AFG2A: variants seen among roughly 807,000 people sequenced by gnomAD.
AFG2A encodes ATPase family gene 2 protein homolog A.
chr4:122,925,730 C>G, the AFG2A span, among the ~76,000 whole-genome samples: 2 of 152,106 alleles, frequency 1.3e-5, no homozygotes, highest in African/African-American at 4.8e-5. Flanking sequence ...GTCATTTTTT[C>G]ATTGTATTAA....
At chr4:122,934,407 A>G in the AFG2A span, 1 of 1,614,248 alleles carries the variant, frequency 6.2e-7, no homozygotes, top group Admixed American at 1.7e-5. Flanking sequence ...TGGATGTTAC[A>G]CAGAGCCCTG....
the AFG2A span, among the ~76,000 whole-genome samples, chr4:123,258,267 G>A: frequency 0.019 from 2,852 of 152,222 alleles, 41 homozygotes; most frequent in Middle Eastern, 0.037. Flanking sequence ...TTTTGTTTTG[G>A]TCTGAATAGG....
the AFG2A span, among the ~76,000 whole-genome samples, chr4:122,993,029 A>C: frequency 6.7e-6 from 1 of 149,062 alleles, no homozygotes; most frequent in Non-Finnish European, 1.5e-5. Context: ...TCTGTCGCCT[A>C]TGCTGGAGTG....
At chr4:123,102,306 A>G in the AFG2A span, 4 of 151,166 alleles carry the variant, frequency 2.6e-5, no homozygotes, top group East Asian at 3.9e-4. Context: ...AAAAAAAAAA[A>G]AAAAAAGAAA....
the AFG2A span, among the ~76,000 whole-genome samples, chr4:122,933,882 A>G: frequency 1.3e-5 from 2 of 152,188 alleles, no homozygotes; most frequent in African/African-American, 4.8e-5. Flanking sequence ...TCTGAGATCT[A>G]CTGAGTGTGG....
the AFG2A span, among the ~76,000 whole-genome samples, chr4:123,194,266 T>A: frequency 6.6e-6 from 1 of 152,226 alleles, no homozygotes; most frequent in South Asian, 2.1e-4. Flanking sequence ...GGAAGAAGAA[T>A]GGTCTTGGGC....
the AFG2A span, among the ~76,000 whole-genome samples, chr4:123,015,795 C>T: frequency 7.8e-5 from 11 of 140,282 alleles, no homozygotes; most frequent in African/African-American, 1.8e-4. Flanking sequence ...CCGGACCGGG[C>T]GGCTCGGGTG....
At chr4:122,989,956 A>T in the AFG2A span, among the ~76,000 whole-genome samples, 1 of 152,144 alleles carries the variant, frequency 6.6e-6, no homozygotes, top group South Asian at 2.1e-4. Context: ...TCCTGAGTTT[A>T]GTTGATCCTC....
the AFG2A span, among the ~76,000 whole-genome samples, chr4:122,960,030 G>A: frequency 2.6e-5 from 4 of 152,238 alleles, no homozygotes; most frequent in East Asian, 7.7e-4. Flanking sequence ...TAATTTTTTA[G>A]CTAGAGTGTG....
chr4:123,224,790 A>T, the AFG2A span, among the ~76,000 whole-genome samples: 27 of 152,140 alleles, frequency 1.8e-4, no homozygotes, highest in African/African-American at 6.5e-4. Flanking sequence ...CACCACACTG[A>T]CTTCCACAAT....
chr4:123,306,579 G>A, the AFG2A span, among the ~76,000 whole-genome samples: 1 of 150,572 alleles, frequency 6.6e-6, no homozygotes, highest in Non-Finnish European at 1.5e-5. Flanking sequence ...TTCTGAGATG[G>A]GGCTTCACTC....
the AFG2A span, among the ~76,000 whole-genome samples, chr4:123,048,782 T>C: frequency 1.3e-5 from 2 of 152,186 alleles, no homozygotes; most frequent in Non-Finnish European, 2.9e-5. Flanking sequence ...CTTTAGGTTT[T>C]TCTACATATG....
chr4:123,101,250 G>C, the AFG2A span, among the ~76,000 whole-genome samples: 1 of 151,848 alleles, frequency 6.6e-6, no homozygotes, highest in African/African-American at 2.4e-5. Flanking sequence ...TTACCAAAGA[G>C]AACTCCTAAA....
the AFG2A span, among the ~76,000 whole-genome samples, chr4:123,309,783 T>G: frequency 1.3e-5 from 2 of 152,222 alleles, no homozygotes; most frequent in Non-Finnish European, 2.9e-5. Flanking sequence ...GTAAGTAGAA[T>G]GCAGATATTC....
the AFG2A span, among the ~76,000 whole-genome samples, chr4:123,168,478 C>T: frequency 6.6e-6 from 1 of 152,050 alleles, no homozygotes; most frequent in Non-Finnish European, 1.5e-5. Flanking sequence ...AACCAAGAAA[C>T]ATGCCATTTC....
chr4:123,104,178 T>G, the AFG2A span, among the ~76,000 whole-genome samples: 1 of 152,320 alleles, frequency 6.6e-6, no homozygotes, highest in African/African-American at 2.4e-5. Flanking sequence ...TATTCTCACT[T>G]CACATTTTGG....
the AFG2A span, among the ~76,000 whole-genome samples, chr4:122,954,725 C>G: frequency 6.6e-6 from 1 of 152,214 alleles, no homozygotes; most frequent in Non-Finnish European, 1.5e-5. Context: ...AACCCCTGGC[C>G]TGTGCTGGGA....
the AFG2A span, among the ~76,000 whole-genome samples, chr4:123,004,893 A>G: frequency 6.6e-6 from 1 of 152,148 alleles, no homozygotes; most frequent in African/African-American, 2.4e-5. Context: ...ATTTTTACTA[A>G]ATCTAGGACT....
chr4:123,229,560 G>T, the AFG2A span, among the ~76,000 whole-genome samples: 1 of 151,864 alleles, frequency 6.6e-6, no homozygotes, highest in African/African-American at 2.4e-5. Context: ...GTGAGGAAGT[G>T]GTTCAAACAG....
Sources: gnomAD v4.1 joint callset for allele counts (sites outside exome capture counted in the v4.1 genomes callset) on GRCh38, gnomAD v4.1.1 for gene constraint, MANE v1.5 for transcripts, NCBI Gene and HGNC (gene_info 2026-07-23, HGNC 2026-07-21) for gene names.